CHD6: variants seen among roughly 807,000 people sequenced by gnomAD.
The protein encoded by CHD6 is chromodomain helicase DNA binding protein 6.
Under a neutral mutation model 276.9 loss-of-function variants are expected in CHD6, and 50 were observed. The ratio of observed to expected loss-of-function variants is 0.18; its 90% CI spans 0.14 to 0.23. The LOEUF is 0.23. Among genes scored for constraint, CHD6 ranks in the 10% least tolerant of loss-of-function variants. The pLI, the probability that CHD6 is intolerant of heterozygous loss-of-function variation, is 1.00. For synonymous variants in CHD6, 1,173 were observed against 1,229.3 expected, an observed-to-expected ratio of 0.95 and a Z score of 0.96; for missense variants, 2,564 against 3,365.8, an observed-to-expected ratio of 0.76 and a Z score of 5.89.
intron 1 of CHD6, 120 bp from the exon 2 acceptor site, chr20:41,551,480 T>C (rs2045145438): frequency 3.5e-6 from 2 of 573,292 alleles, no homozygotes; most frequent in East Asian, 3.2e-5. Context: ...CTGCAGAACA[T>C]TTATGTCCAA....
chr20:41,591,586 G>A (rs1490023091), intron 1 of CHD6, among the ~76,000 whole-genome samples: 8 of 151,962 alleles, frequency 5.3e-5, no homozygotes, highest in South Asian at 4.1e-4. Flanking sequence ...CCAGCTATTC[G>A]GGAGGCTGAG....
chr20:41,566,243 A>G (rs1391723520), intron 1 of CHD6, among the ~76,000 whole-genome samples: 1 of 152,218 alleles, frequency 6.6e-6, no homozygotes, highest in Non-Finnish European at 1.5e-5. Context: ...AAACTCAACC[A>G]TGAAATCACT....
intron 1 of CHD6, among the ~76,000 whole-genome samples, chr20:41,606,207 C>G (rs760465746): frequency 5.3e-5 from 8 of 152,022 alleles, no homozygotes; most frequent in Non-Finnish European, 1.0e-4. Flanking sequence ...GAAACCCCGT[C>G]TCTACTAAAA....
intron 1 of CHD6, among the ~76,000 whole-genome samples, chr20:41,587,929 G>C (rs543274572): frequency 6.6e-6 from 1 of 152,114 alleles, no homozygotes; most frequent in Non-Finnish European, 1.5e-5. Flanking sequence ...AGGAGTAAAC[G>C]CTGAGAAGTC....
At chr20:41,574,584 A>G (rs1401426831) in intron 1 of CHD6, among the ~76,000 whole-genome samples, 2 of 152,220 alleles carry the variant, frequency 1.3e-5, no homozygotes, top group African/African-American at 4.8e-5. Flanking sequence ...ATGAAATACT[A>G]AAGGCACTCC....
chr20:41,557,170 C>T (rs1410614174), intron 1 of CHD6, among the ~76,000 whole-genome samples: 2 of 152,234 alleles, frequency 1.3e-5, no homozygotes, highest in Admixed American at 6.5e-5. Context: ...AAGTGTATAA[C>T]TTCTGAACTG....
chr20:41,583,355 T>C (rs1214592619), intron 1 of CHD6, among the ~76,000 whole-genome samples: 2 of 151,964 alleles, frequency 1.3e-5, no homozygotes, highest in East Asian at 1.9e-4. Context: ...TCAGATTTTT[T>C]GCAATCCAGA....
intron 34 of CHD6, chr20:41,414,947 T>A: frequency 7.3e-7 from 1 of 1,365,516 alleles, no homozygotes. Flanking sequence ...TGTTCCTATT[T>A]GAAATGGCAA....
chr20:41,423,820 GTC>G (rs2047275337), intron 29 of CHD6, 120 bp from the exon 30 acceptor site: 4 of 744,568 alleles, frequency 5.4e-6, no homozygotes, highest in Non-Finnish European at 8.8e-6. Context: ...GAGCTGGTTT[GTC>G]TCTTTTATTA....
At chr20:41,486,416 G>T (rs932961346) in intron 14 of CHD6, among the ~76,000 whole-genome samples, 3 of 152,134 alleles carry the variant, frequency 2.0e-5, no homozygotes, top group Non-Finnish European at 1.5e-5. Context: ...GTCCAAAAAC[G>T]GAGAGAAGGT....
chr20:41,591,381 C>CACACACAG lies in CHD6; in HGVS notation c.-24+26958_-24+26959insCTGTGTGT, dbSNP rs1568721905. 9.4e-3 allele frequency among the ~76,000 whole-genome samples: 542 copies of CACACACAG among 57,700 alleles called. 1 individual carries two copies. The highest frequency in any genetic ancestry group is 0.069 in the African/African-American group (433 of 6,306). 37.9% of individuals were successfully genotyped at this position (57,700 alleles called of 152,430 possible). A position where few individuals can be genotyped will look rare whatever the true frequency, so the allele number is the denominator to read the frequency against. Reference sequence around the variant, plus strand: ...ATAATTTTACATATATATATATATACACACACACACACACACACACACACA... The same window carrying CACACACAG: ...ATAATTTTACATATATATATATATACACACACAGACACACACACACACACACACACACA... On this transcript the variant is annotated intron_variant, in intron 1 of 36. Transcript: ENST00000373233.
chr20:41,474,359 C>T lies in CHD6; in HGVS notation c.2469-842G>A, dbSNP rs1036513343. Among the ~76,000 whole-genome samples, 4 of 152,134 alleles carry T rather than the reference C, an allele frequency of 2.6e-5. No individual in the cohort carries two copies. In the South Asian group the frequency reaches 6.2e-4, roughly 24 times the overall value. ...TACCCATGCCCATCTAGAGGGAAAA[C>T]AGAAGAGACCTTTACGTTGGAGATC... On this transcript the variant is annotated intron_variant, in intron 16 of 36. Coordinates refer to ENST00000373233, the MANE Select transcript of CHD6 (RefSeq NM_032221.5).
chr20:41,403,828 T>C lies in CHD6; in HGVS notation c.*765A>G. 9.5e-7 allele frequency: 1 copy of C among 1,057,098 alleles called. No homozygotes were observed. Among genetic ancestry groups the C allele is most frequent in the Non-Finnish European group, 1.1e-6 (1 of 874,130 alleles). The allele number at this position is 1,057,098 out of a possible 1,614,324, so 65.5% of individuals were successfully genotyped here. ...GTGTAGCTCTACGGAGCGCGGGTCC[T>C]TGCCCCACCCCCGTCGACAGCAATA... On this transcript the variant is annotated 3_prime_UTR_variant, in exon 37 of 37. Coordinates refer to ENST00000373233, the MANE Select transcript of CHD6 (RefSeq NM_032221.5).
intron 3 of CHD6, among the ~76,000 whole-genome samples, chr20:41,532,050 A>C (rs1240551478): frequency 1.3e-5 from 2 of 152,204 alleles, no homozygotes; most frequent in Non-Finnish European, 2.9e-5. Flanking sequence ...GTTTCCTCAA[A>C]ATTCTAAATA....
At chr20:41,461,692 A>G (rs1373305919) in intron 17 of CHD6, 1 of 152,516 alleles carries the variant, frequency 6.6e-6, no homozygotes, top group Non-Finnish European at 1.5e-5. Context: ...ATGAACCAAT[A>G]CATCCTGGTT....
rs1033564933 is a variant in CHD6 at position 41,489,769 on chromosome 20, G to A, written c.1680+9C>T. 16 of 1,613,770 alleles carry A rather than the reference G, an allele frequency of 9.9e-6. No individual in the cohort carries two copies. In the African/African-American group the frequency reaches 1.7e-4, roughly 18 times the overall value. On this transcript the variant is annotated intron_variant, in intron 12 of 36. Transcript: ENST00000373233. Reference sequence around the variant, plus strand: ...AGTCCCTGGGTCTCTGATCTCACGTGAGGCTCACCTGGGCGTCTCTGTACA... The same window carrying A: ...AGTCCCTGGGTCTCTGATCTCACGTAAGGCTCACCTGGGCGTCTCTGTACA...
chr20:41,598,192 G>A (rs775447772), intron 1 of CHD6, among the ~76,000 whole-genome samples: 1 of 151,976 alleles, frequency 6.6e-6, no homozygotes. Context: ...TCATTAAGTC[G>A]TTTCTAGGGT....
chr20:41,484,287 A>C, intron 15 of CHD6, 65 bp downstream of exon 15: 1 of 1,569,400 alleles, frequency 6.4e-7, no homozygotes, highest in Non-Finnish European at 8.7e-7. Context: ...GAGTTATTTG[A>C]TTATCATTAG....
Position 41,453,989 on chromosome 20 carries a change from G to A in CHD6, c.3120+637C>T, listed in dbSNP as rs1280763286. Among the ~76,000 whole-genome samples the A allele has an allele frequency of 2.6e-5, 4 of 152,284 alleles. No individual in the cohort carries two copies. In the East Asian group the frequency reaches 7.7e-4, roughly 29 times the overall value. ...ACTCATCCTGAAGTGAGGTGACAGG[G>A]TCAGAGATGAAGGACGGGAAATCAA... On this transcript the variant is annotated intron_variant, in intron 20 of 36. Transcript: ENST00000373233.
Sources: gnomAD v4.1 joint callset for allele counts (sites outside exome capture counted in the v4.1 genomes callset) on GRCh38, gnomAD v4.1.1 for gene constraint, MANE v1.5 for transcripts, NCBI Gene and HGNC (gene_info 2026-07-23, HGNC 2026-07-21) for gene names.